Variants in OPCML observed in about 807,000 individuals in gnomAD.
OPCML encodes the protein opioid-binding protein/cell adhesion molecule.
In OPCML, 13 loss-of-function variants were observed where a neutral mutation model predicts 37.8. That is an observed-to-expected ratio of 0.34 (90% CI 0.22 to 0.55). OPCML has a LOEUF of 0.55. Ranked by LOEUF, OPCML falls within the 20% of genes least tolerant of loss-of-function variation. The pLI, the probability that OPCML is intolerant of heterozygous loss-of-function variation, is 0.91. For missense variants in OPCML, 341 were observed against 435.6 expected, an observed-to-expected ratio of 0.78 and a Z score of 1.93; for synonymous variants, 176 against 168.8, an observed-to-expected ratio of 1.04 and a Z score of -0.33.
At chr11:132,459,304 A>T (rs1565580091) in intron 4 of OPCML, among the ~76,000 whole-genome samples, 2 of 151,712 alleles carry the variant, frequency 1.3e-5, no homozygotes, top group Non-Finnish European at 2.9e-5. Flanking sequence ...GAACTACACC[A>T]TCTGCTCCCC....
intron 1 of OPCML, among the ~76,000 whole-genome samples, chr11:133,313,476 A>T (rs1943114604): frequency 6.6e-6 from 1 of 152,222 alleles, no homozygotes; most frequent in African/African-American, 2.4e-5. Context: ...ATTTTTGCAG[A>T]TGCAATTAAA....
chr11:132,701,762 TTGTG>T (rs34453558), intron 2 of OPCML, among the ~76,000 whole-genome samples: 37,781 of 142,398 alleles, frequency 0.27, 4,973 homozygotes, highest in African/African-American at 0.3. Context: ...AATTTGATGA[TTGTG>T]TGTGTGTGTG....
chr11:132,684,795 A>G lies in OPCML; in HGVS notation c.147-27476T>C, dbSNP rs115893337. On this transcript the variant is annotated intron_variant, in intron 2 of 7. Transcript: ENST00000524381. ...AAACCAACCAACAGACAGACAAATA[A>G]ATAACTTTGCGGTCACTGTTGTAAG... Among the ~76,000 whole-genome samples, 1,218 of 152,294 alleles carry G rather than the reference A, an allele frequency of 8.0e-3. 17 individuals carry two copies. The highest frequency in any genetic ancestry group is 0.027 in the African/African-American group (1,119 of 41,566).
At chr11:133,484,161 T>C (rs1471485747) in intron 1 of OPCML, among the ~76,000 whole-genome samples, 1 of 128,942 alleles carries the variant, frequency 7.8e-6, no homozygotes. Flanking sequence ...GATAGATAGA[T>C]AGGTAGATAG....
chr11:132,452,764 C>G (rs1008544169), intron 4 of OPCML, among the ~76,000 whole-genome samples: 4 of 152,180 alleles, frequency 2.6e-5, no homozygotes, highest in Non-Finnish European at 5.9e-5. Flanking sequence ...TCTCAGCATT[C>G]TGTATACTCC....
chr11:132,802,168 T>G (rs947778084), intron 2 of OPCML, among the ~76,000 whole-genome samples: 1 of 152,198 alleles, frequency 6.6e-6, no homozygotes, highest in Non-Finnish European at 1.5e-5. Flanking sequence ...TCTTTGCACC[T>G]TCATTAGCAC....
chr11:132,724,440 C>T (rs1944795830), intron 2 of OPCML, among the ~76,000 whole-genome samples: 1 of 152,192 alleles, frequency 6.6e-6, no homozygotes, highest in South Asian at 2.1e-4. Context: ...ATGGGAAAGA[C>T]CTGCCCCCAT....
At chr11:133,273,233 G>A (rs1941901148) in intron 1 of OPCML, among the ~76,000 whole-genome samples, 1 of 152,154 alleles carries the variant, frequency 6.6e-6, no homozygotes, top group Non-Finnish European at 1.5e-5. Flanking sequence ...GAACCAGAGG[G>A]ATGGGGAGGG....
At chr11:132,486,327 T>C (rs991244221) in intron 4 of OPCML, among the ~76,000 whole-genome samples, 35 of 152,160 alleles carry the variant, frequency 2.3e-4, no homozygotes, top group Admixed American at 2.2e-3. Context: ...CAATGGTTCT[T>C]TGATGATAGT....
chr11:133,084,851 CTACCA>C (rs771943605), intron 1 of OPCML, among the ~76,000 whole-genome samples: 2 of 152,174 alleles, frequency 1.3e-5, no homozygotes, highest in Non-Finnish European at 2.9e-5. Context: ...GAGTGAGCAT[CTACCA>C]TACAATATAG....
chr11:132,994,287 A>G (rs1437847885), intron 1 of OPCML, among the ~76,000 whole-genome samples: 1 of 152,204 alleles, frequency 6.6e-6, no homozygotes, highest in African/African-American at 2.4e-5. Context: ...CGGGCTATTA[A>G]AAAGCCCAGG....
rs184413420 is a variant in OPCML, at chr11:132,759,217, G to A, written c.147-101898C>T. Among the ~76,000 whole-genome samples, 431 of 152,222 alleles carry A rather than the reference G, an allele frequency of 2.8e-3. 4 individuals are homozygous for A. Among genetic ancestry groups the A allele is most frequent in the African/African-American group, 9.8e-3 (405 of 41,538 alleles). ...TTCAGTTTGCCAGTATTTTATTGAG[G>A]ATTTTCGCATCGATGTTCATCAGGG... On this transcript the variant is annotated intron_variant, in intron 2 of 7. Coordinates refer to ENST00000524381, the MANE Select transcript of OPCML (RefSeq NM_001012393.5).
chr11:132,785,215 G>A (rs1259685898), intron 2 of OPCML, among the ~76,000 whole-genome samples: 1 of 152,182 alleles, frequency 6.6e-6, no homozygotes, highest in African/African-American at 2.4e-5. Flanking sequence ...AACTCACTAT[G>A]TGATCAGAGC....
intron 1 of OPCML, among the ~76,000 whole-genome samples, chr11:133,453,679 T>C (rs1946621562): frequency 6.6e-6 from 1 of 152,170 alleles, no homozygotes; most frequent in Non-Finnish European, 1.5e-5. Context: ...ACCTCTTACT[T>C]TATTCCAGGG....
chr11:133,115,432 C>G (rs1031443620), intron 1 of OPCML, among the ~76,000 whole-genome samples: 10 of 152,086 alleles, frequency 6.6e-5, no homozygotes, highest in African/African-American at 4.8e-5. Context: ...GATTCAGTGC[C>G]TAGAATTTCT....
chr11:133,371,208 T>G (rs533674997), intron 1 of OPCML, among the ~76,000 whole-genome samples: 29 of 152,230 alleles, frequency 1.9e-4, no homozygotes, highest in Middle Eastern at 3.4e-3. Context: ...TACACTGTGG[T>G]GGGAATGCAA....
chr11:132,503,725 C>T (rs1460972432), intron 4 of OPCML, among the ~76,000 whole-genome samples: 2 of 151,794 alleles, frequency 1.3e-5, no homozygotes, highest in South Asian at 2.1e-4. Flanking sequence ...ACAAAGGATG[C>T]TAGTTATAAT....
At position 133,140,531 on chromosome 11, in the gene OPCML, T is replaced by TAATAATAATAATAAGAAGAAG. The variant is rs1272061685; in HGVS notation, c.62-197522_62-197521insCTTCTTCTTATTATTATTATT. ...TGTCTCAAAATAATAATAATAATAA[T>TAATAATAATAATAAGAAGAAG]AAGAAGAAGAAGAAGAAGAAGAAGA... is the stretch of plus-strand genomic sequence containing the variant. On this transcript the variant is annotated intron_variant, in intron 1 of 7. Coordinates refer to ENST00000524381, the MANE Select transcript of OPCML (RefSeq NM_001012393.5). Among the ~76,000 whole-genome samples, 428 of 88,066 alleles carry TAATAATAATAATAAGAAGAAG rather than the reference T, an allele frequency of 4.9e-3. 3 individuals carry two copies. The highest frequency in any genetic ancestry group is 6.3e-3 in the Non-Finnish European group (283 of 45,204). 57.8% of individuals were successfully genotyped at this position (88,066 alleles called of 152,430 possible).
At chr11:132,563,414 T>A (rs7933571) in intron 3 of OPCML, among the ~76,000 whole-genome samples, 66,790 of 151,664 alleles carry the variant, frequency 0.44, 15,114 homozygotes, top group African/African-American at 0.49. Context: ...CCCGAATGTC[T>A]CTGGGTTTGT....
Sources: gnomAD v4.1 joint callset for allele counts (sites outside exome capture counted in the v4.1 genomes callset) on GRCh38, gnomAD v4.1.1 for gene constraint, MANE v1.5 for transcripts, NCBI Gene and HGNC (gene_info 2026-07-23, HGNC 2026-07-21) for gene names.